Variants in TRIM23 observed in about 807,000 individuals in gnomAD.
The protein encoded by TRIM23 is tripartite motif containing 23, also known as E3 ubiquitin-protein ligase TRIM23.
Under a neutral mutation model 71.0 loss-of-function variants are expected in TRIM23, and 27 were observed. The observed-to-expected ratio is 0.38, with a 90% CI of 0.28 to 0.52. The LOEUF (loss-of-function observed/expected upper bound fraction) is 0.52. Among genes scored for constraint, TRIM23 ranks in the 20% least tolerant of loss-of-function variants. TRIM23 has a pLI of 0.84. For missense variants in TRIM23, 482 were observed against 692.3 expected, an observed-to-expected ratio of 0.70 and a Z score of 3.41; for synonymous variants, 234 against 238.0, an observed-to-expected ratio of 0.98 and a Z score of 0.16.
chr5:65,590,140 A>G lies in TRIM23; in HGVS notation c.*1629T>C, dbSNP rs1034658181. On this transcript the variant is annotated 3_prime_UTR_variant, in exon 11 of 11. Coordinates refer to ENST00000231524, the MANE Select transcript of TRIM23 (RefSeq NM_001656.4). ...AGGGAAGCAAGTTCACCTTAGTGTT[A>G]CACTTTTTCTTCAATTAACTAGTAA... 1 of 520,296 alleles carries G rather than the reference A, an allele frequency of 1.9e-6. No individual in the cohort carries two copies. The highest frequency in any genetic ancestry group is 2.0e-5 in the African/African-American group (1 of 50,526). The allele number at this position is 520,296 out of a possible 1,614,324, so 32.2% of individuals were successfully genotyped here.
intron 1 of TRIM23, among the ~76,000 whole-genome samples, chr5:65,620,100 G>A (rs997664457): frequency 1.3e-4 from 20 of 151,994 alleles, no homozygotes; most frequent in African/African-American, 4.3e-4. Context: ...AATAAAGAAA[G>A]AAAAATGCAA....
In TRIM23 at chr5:65,590,225, C is replaced by T. The variant is rs1753980985; in HGVS notation, c.*1544G>A. ...TTTTATTTTTCACAGTTATTGAAAT[C>T]AGTCAAATATTAAATAATTTAATTC... On this transcript the variant is annotated 3_prime_UTR_variant, in exon 11 of 11. Transcript: ENST00000231524. 2 of 946,612 alleles carry T rather than the reference C, an allele frequency of 2.1e-6. No individual in the cohort carries two copies. The highest frequency in any genetic ancestry group is 1.7e-5 in the African/African-American group (1 of 59,474). 58.6% of individuals were successfully genotyped at this position (946,612 alleles called of 1,614,324 possible).
At position 65,591,327 on chromosome 5, in the gene TRIM23, C is replaced by T; in HGVS notation, c.*442G>A. The T allele has an allele frequency of 1.4e-6, 2 of 1,427,252 alleles. No homozygotes were observed. The highest frequency in any genetic ancestry group is 1.8e-6 in the Non-Finnish European group (2 of 1,090,596). 88.4% of individuals were successfully genotyped at this position (1,427,252 alleles called of 1,614,324 possible). On this transcript the variant is annotated 3_prime_UTR_variant, in exon 11 of 11. Transcript: ENST00000231524. ...TGTCATTTCTACTACTAAATGCTGC[C>T]AACATTCAGTGAAAAGGCAGGTTAA...
At position 65,596,413 on chromosome 5, in the gene TRIM23, A is replaced by G. The variant is rs558898091; in HGVS notation, c.1420+8T>C. 1 of 1,543,994 alleles carries G rather than the reference A, an allele frequency of 6.5e-7. No individual in the cohort carries two copies. The highest frequency in any genetic ancestry group is 2.3e-5 in the East Asian group (1 of 44,388). On this transcript the variant is annotated splice_region_variant and intron_variant, in intron 9 of 10. Coordinates refer to ENST00000231524, the MANE Select transcript of TRIM23 (RefSeq NM_001656.4). ...TGTGAAAAATTAAATGTCATTTTTA[A>G]CTCTCACCTTGAGTATTGAGGTAAT...
intron 7 of TRIM23, among the ~76,000 whole-genome samples, chr5:65,598,006 C>T (rs1442792235): frequency 2.6e-5 from 4 of 152,140 alleles, no homozygotes; most frequent in Admixed American, 2.6e-4. Flanking sequence ...CTCCTTTGAG[C>T]ACTCTTTGCT....
chr5:65,610,670 AAT>A (rs1754626148), intron 5 of TRIM23, among the ~76,000 whole-genome samples, 189 bp downstream of exon 5: 1 of 152,164 alleles, frequency 6.6e-6, no homozygotes, highest in South Asian at 2.1e-4. Flanking sequence ...TCCTCCATAA[AAT>A]AGTTACCATA....
chr5:65,613,707 T>C, intron 3 of TRIM23: 4 of 1,163,434 alleles, frequency 3.4e-6, no homozygotes, highest in Non-Finnish European at 4.3e-6. Context: ...TTTTCCCCTC[T>C]GTATTAAATG....
chr5:65,597,237 T>C (rs1754232124), intron 7 of TRIM23, 57 bp from the exon 8 acceptor site: 1 of 1,547,266 alleles, frequency 6.5e-7, no homozygotes, highest in East Asian at 2.3e-5. Flanking sequence ...TAATAGCATT[T>C]AGCACCTTTA....
chr5:65,618,967 A>T (rs190229752), intron 1 of TRIM23, among the ~76,000 whole-genome samples: 2 of 152,346 alleles, frequency 1.3e-5, no homozygotes, highest in East Asian at 3.9e-4. Flanking sequence ...TCAAGTCCAT[A>T]AGTTTATGTT....
Position 65,604,900 on chromosome 5 carries a change from C to T in TRIM23, c.1179+11G>A. On this transcript the variant is annotated intron_variant, in intron 7 of 10. Coordinates refer to ENST00000231524, the MANE Select transcript of TRIM23 (RefSeq NM_001656.4). Reference sequence around the variant, plus strand: ...AGAAAAAATACCTAAAAATAAAGTACAGTACATTACCTTTGTAAAAGTGAC... The same window carrying T: ...AGAAAAAATACCTAAAAATAAAGTATAGTACATTACCTTTGTAAAAGTGAC... 1 of 1,597,900 alleles carries T rather than the reference C, an allele frequency of 6.3e-7. No individual in the cohort carries two copies. The highest frequency in any genetic ancestry group is 2.2e-5 in the East Asian group (1 of 44,448).
chr5:65,593,738 C>T (rs1754107672), intron 10 of TRIM23, among the ~76,000 whole-genome samples: 1 of 152,132 alleles, frequency 6.6e-6, no homozygotes, highest in Non-Finnish European at 1.5e-5. Context: ...CTTCATCCTC[C>T]CCATTCAGTC....
At chr5:65,618,290 C>A in intron 1 of TRIM23, 35 bp from the exon 2 acceptor site, 1 of 1,569,014 alleles carries the variant, frequency 6.4e-7, no homozygotes, top group Non-Finnish European at 8.6e-7. Flanking sequence ...GCTCTTTAAA[C>A]AATTTTAAAA....
At chr5:65,614,878 T>TTATATAATATTAAATAA (rs1166994108) in intron 2 of TRIM23, among the ~76,000 whole-genome samples, 1 of 152,154 alleles carries the variant, frequency 6.6e-6, no homozygotes, top group Admixed American at 6.5e-5. Context: ...TTTGCCACAG[T>TTATATAATATTAAATAA]TTAAAAAAAT....
chr5:65,590,545 A>G lies in TRIM23; in HGVS notation c.*1224T>C. The G allele has an allele frequency of 1.9e-6, 2 of 1,052,194 alleles. No homozygotes were observed. The highest frequency in any genetic ancestry group is 2.3e-6 in the Non-Finnish European group (2 of 875,010). The allele number at this position is 1,052,194 out of a possible 1,614,324, so 65.2% of individuals were successfully genotyped here. On this transcript the variant is annotated 3_prime_UTR_variant, in exon 11 of 11. Coordinates refer to ENST00000231524, the MANE Select transcript of TRIM23 (RefSeq NM_001656.4). ...TAACTTCATCCTAATGTATCAGAAC[A>G]TTAAAAAAAAAAAAGTCTCAATGTA...
chr5:65,609,205 C>G (rs753112936), intron 6 of TRIM23, 38 bp downstream of exon 6: 1 of 1,601,994 alleles, frequency 6.2e-7, no homozygotes, highest in East Asian at 2.2e-5. Flanking sequence ...TCTACTTAAA[C>G]TTACAACTAA....
At chr5:65,609,111 A>G in intron 6 of TRIM23, 132 bp downstream of exon 6, 1 of 870,440 alleles carries the variant, frequency 1.1e-6, no homozygotes, top group Non-Finnish European at 1.8e-6. Flanking sequence ...TCAAGGTTGC[A>G]GACCATTTCC....
intron 1 of TRIM23, among the ~76,000 whole-genome samples, chr5:65,620,777 C>T (rs144832161): frequency 4.9e-4 from 48 of 97,252 alleles, no homozygotes; most frequent in Admixed American, 3.5e-3. Context: ...GAAAGTTTCA[C>T]GTTATCAAAT....
chr5:65,612,526 A>T (rs904336734), intron 3 of TRIM23, among the ~76,000 whole-genome samples: 42 of 152,156 alleles, frequency 2.8e-4, no homozygotes, highest in African/African-American at 1.0e-3. Flanking sequence ...AAGCAAATAA[A>T]AAAAAAAATA....
intron 6 of TRIM23, among the ~76,000 whole-genome samples, chr5:65,608,732 C>T (rs923642672): frequency 6.6e-6 from 1 of 152,150 alleles, no homozygotes; most frequent in Non-Finnish European, 1.5e-5. Context: ...TAACAAATTT[C>T]TTATGGTATC....
Sources: gnomAD v4.1 joint callset for allele counts (sites outside exome capture counted in the v4.1 genomes callset) on GRCh38, gnomAD v4.1.1 for gene constraint, MANE v1.5 for transcripts, NCBI Gene and HGNC (gene_info 2026-07-23, HGNC 2026-07-21) for gene names.